ELFN2: variants seen among roughly 807,000 people sequenced by gnomAD.
The protein encoded by ELFN2 is protein phosphatase 1 regulatory subunit 29.
ELFN2 carries 17 observed loss-of-function variants against 45.5 expected under a neutral mutation model. The observed-to-expected ratio is 0.37, with a 90% CI of 0.26 to 0.56. The LOEUF is 0.56. Among genes scored for constraint, ELFN2 ranks in the 20% least tolerant of loss-of-function variants. ELFN2 has a pLI of 0.77. For missense variants in ELFN2, 922 were observed against 1,183.2 expected, an observed-to-expected ratio of 0.78 and a Z score of 3.24; for synonymous variants, 550 against 551.5, an observed-to-expected ratio of 1.00 and a Z score of 0.04.
intron 2 of ELFN2, among the ~76,000 whole-genome samples, chr22:37,416,429 G>A (rs1277922858): frequency 6.6e-6 from 1 of 152,216 alleles, no homozygotes; most frequent in Non-Finnish European, 1.5e-5. Flanking sequence ...GAACGGCACT[G>A]GGTCAACAGG....
chr22:37,422,617 G>A (rs755819911), intron 1 of ELFN2, among the ~76,000 whole-genome samples: 5 of 151,754 alleles, frequency 3.3e-5, no homozygotes, highest in South Asian at 2.1e-4. Context: ...TTTTTGAGAC[G>A]GAGCCTCACT....
At chr22:37,404,824 G>A (rs1163224682) in intron 2 of ELFN2, among the ~76,000 whole-genome samples, 2 of 152,158 alleles carry the variant, frequency 1.3e-5, no homozygotes, top group Admixed American at 6.5e-5. Flanking sequence ...CACCAGCTAT[G>A]GGATCCTTGG....
At chr22:37,365,966 T>C (rs1397275958), downstream of ELFN2, among the ~76,000 whole-genome samples, 1 of 152,236 alleles carries the variant, frequency 6.6e-6, no homozygotes, top group Non-Finnish European at 1.5e-5. Flanking sequence ...ATAAACTGAT[T>C]ATTTGCAAGT....
intron 2 of ELFN2, among the ~76,000 whole-genome samples, chr22:37,377,949 G>T (rs993151124): frequency 6.6e-6 from 1 of 152,184 alleles, no homozygotes; most frequent in Non-Finnish European, 1.5e-5. Flanking sequence ...AGGTAGCAAG[G>T]TTGTACTGGA....
At chr22:37,367,654 G>A (rs978939019), downstream of ELFN2, among the ~76,000 whole-genome samples, 51 of 152,342 alleles carry the variant, frequency 3.3e-4, no homozygotes, top group African/African-American at 1.2e-3. Context: ...GCAGAAAATC[G>A]AGTGACAGCA....
chr22:37,425,914 A>C lies in ELFN2; in HGVS notation c.-614+1384T>G, dbSNP rs549379171. On this transcript the variant is annotated intron_variant, in intron 1 of 2. Coordinates refer to ENST00000402918, the MANE Select transcript of ELFN2 (RefSeq NM_052906.5). ...ACACACACACTCCCAGTCCCATCTC[A>C]TGATGCAACTTGCATATTAAAACGC... 1.6e-4 allele frequency among the ~76,000 whole-genome samples: 22 copies of C among 138,142 alleles called. No homozygotes were observed. The South Asian group carries it at 4.4e-3, about 27-fold the overall frequency. 90.6% of individuals were successfully genotyped at this position (138,142 alleles called of 152,430 possible). A position where few individuals can be genotyped will look rare whatever the true frequency, so the allele number is the denominator to read the frequency against.
In ELFN2 at chr22:37,375,088, C is replaced by G; in HGVS notation, c.447G>C (p.Glu149Asp). 1 of 1,613,700 alleles carries G rather than the reference C, an allele frequency of 6.2e-7. No homozygotes were observed. Among genetic ancestry groups the G allele is most frequent in the Non-Finnish European group, 8.5e-7 (1 of 1,180,012 alleles). The change falls in exon 3 of 3, where the codon GAG (glutamate) becomes GAC (aspartate). Residue 149 changes from glutamate to aspartate, a missense_variant. By Grantham distance (45) the Glu-to-Asp change is conservative. This residue lies in a region of ELFN2 where 358 missense variants were observed against 540.4 expected (regional missense o/e 0.66). Coordinates refer to ENST00000402918, the MANE Select transcript of ELFN2 (RefSeq NM_052906.5). Reference sequence around the variant, plus strand: ...GGTCGATGCTGATGAGGCTCGGGCACTCGGAGAAGGCGGTGGGCGTCACCA... The same window carrying G: ...GGTCGATGCTGATGAGGCTCGGGCAGTCGGAGAAGGCGGTGGGCGTCACCA... ...IEVVTPTAFS[E>D]CPSLISIDLS...
chr22:37,340,990 T>C (rs1414878766), intron 2 of ELFN2: 1 of 151,552 alleles, frequency 6.6e-6, no homozygotes, highest in Admixed American at 6.6e-5. Flanking sequence ...AATAGACAGA[T>C]GGAGGGCAGC....
At chr22:37,400,986 G>C (rs933059864) in intron 2 of ELFN2, among the ~76,000 whole-genome samples, 1 of 152,238 alleles carries the variant, frequency 6.6e-6, no homozygotes, top group African/African-American at 2.4e-5. Context: ...GCCAAGTCCT[G>C]GGGACGGTGC....
chr22:37,395,126 TAAATA>T (rs1022022836), intron 2 of ELFN2, among the ~76,000 whole-genome samples: 3 of 149,778 alleles, frequency 2.0e-5, no homozygotes, highest in Non-Finnish European at 3.0e-5. Context: ...AATAAATAAA[TAAATA>T]AATAAATAAA....
intron 2 of ELFN2, among the ~76,000 whole-genome samples, chr22:37,391,410 C>T (rs1055594680): frequency 1.3e-5 from 2 of 152,136 alleles, no homozygotes; most frequent in Admixed American, 6.5e-5. Context: ...AAGAGAGCCA[C>T]CACGCACAGG....
intron 2 of ELFN2, among the ~76,000 whole-genome samples, chr22:37,402,388 A>C (rs1932385357): frequency 6.6e-6 from 1 of 152,222 alleles, no homozygotes; most frequent in Non-Finnish European, 1.5e-5. Flanking sequence ...AGTTTGCCAC[A>C]GGCCCACCAC....
Position 37,374,164 on chromosome 22 carries a change from C to T in ELFN2, c.1371G>A (p.Gln457=), listed in dbSNP as rs1176967928. 3.1e-6 allele frequency: 5 copies of T among 1,613,134 alleles called. No homozygotes were observed. Among genetic ancestry groups the T allele is most frequent in the Admixed American group, 1.7e-5 (1 of 60,010 alleles). ...VDAGSIVHAA[Q]KLGEPPVLPV... ...GCAGCACGGGAGGCTCGCCCAGCTT[C>T]TGGGCGGCGTGCACAATGGAGCCGG... is the stretch of plus-strand genomic sequence containing the variant. The change falls in exon 3 of 3, where the codon CAG becomes CAA. Residue 457 remains glutamine, a synonymous_variant. Coordinates refer to ENST00000402918, the MANE Select transcript of ELFN2 (RefSeq NM_052906.5).
intron 1 of ELFN2, among the ~76,000 whole-genome samples, chr22:37,423,060 G>T (rs961086560): frequency 1.3e-5 from 2 of 152,008 alleles, no homozygotes; most frequent in Non-Finnish European, 2.9e-5. Flanking sequence ...GGAGTCCAGG[G>T]GGCCACAGCT....
chr22:37,344,446 G>T (rs1395232875), intron 1 of ELFN2, among the ~76,000 whole-genome samples: 2 of 151,906 alleles, frequency 1.3e-5, no homozygotes, highest in African/African-American at 4.8e-5. Flanking sequence ...GGTGGACAGG[G>T]CACTGGGAGT....
In ELFN2 at chr22:37,373,715, T is replaced by C. The variant is rs756742507; in HGVS notation, c.1820A>G (p.Lys607Arg). The C allele has an allele frequency of 3.2e-6, 5 of 1,554,476 alleles. No individual in the cohort carries two copies. The highest frequency in any genetic ancestry group is 1.7e-4 in the Middle Eastern group (1 of 5,742). ...CTGTAGTGGGTGGTGGGAGCTCTCCTTGTAGGGAGGCGAAAGGAAGCTGGG... is the reference window on the plus strand; with the variant it reads ...CTGTAGTGGGTGGTGGGAGCTCTCCCTGTAGGGAGGCGAAAGGAAGCTGGG... Reference protein sequence around the residue: ...ERPSFLSPPYKESSHHPLQRQ... With the variant: ...ERPSFLSPPYRESSHHPLQRQ... The change falls in exon 3 of 3, where the codon AAG (lysine) becomes AGG (arginine). Residue 607 changes from lysine (K) to arginine (R), a missense_variant. Around this residue, in one of 2 missense-constraint regions of ELFN2, gnomAD observed 564 missense variants for 642.8 expected, o/e 0.88. Coordinates refer to ENST00000402918, the MANE Select transcript of ELFN2 (RefSeq NM_052906.5).
At chr22:37,422,490 A>C (rs1370573523) in intron 1 of ELFN2, among the ~76,000 whole-genome samples, 2 of 151,946 alleles carry the variant, frequency 1.3e-5, no homozygotes, top group Non-Finnish European at 2.9e-5. Flanking sequence ...GAGGATCACG[A>C]GGTCAGGAGT....
rs1404259609 is a variant in ELFN2 at position 37,374,826 on chromosome 22, C to T, written c.709G>A (p.Ala237Thr). 1.9e-6 allele frequency: 3 copies of T among 1,607,158 alleles called. No individual in the cohort carries two copies. Among genetic ancestry groups the T allele is most frequent in the Non-Finnish European group, 2.5e-6 (3 of 1,179,780 alleles). Reference protein sequence around the residue: ...LVPRPYHSLNAITVLQAKCRN... With the variant: ...LVPRPYHSLNTITVLQAKCRN... ...CACTTGGCCTGGAGTACGGTGATGG[C>T]GTTGAGGCTGTGGTAGGGCCGGGGC... Residue 237 changes from alanine (A) to threonine (T), a missense_variant, in exon 3 of 3, where the codon GCC becomes ACC. Physicochemically the swap from Ala to Thr is moderately conservative, Grantham distance 58 (BLOSUM62 0). Coordinates refer to ENST00000402918, the MANE Select transcript of ELFN2 (RefSeq NM_052906.5).
chr22:37,342,046 G>T (rs1435309442), intron 2 of ELFN2, among the ~76,000 whole-genome samples: 1 of 151,964 alleles, frequency 6.6e-6, no homozygotes, highest in Non-Finnish European at 1.5e-5. Flanking sequence ...TGCCATCTGT[G>T]TTAGTCACCC....
Sources: gnomAD v4.1 joint callset for allele counts (sites outside exome capture counted in the v4.1 genomes callset) on GRCh38, gnomAD v4.1.1 for gene constraint, gnomAD v4.1.1 regional missense constraint, MANE v1.5 for transcripts, NCBI Gene and HGNC (gene_info 2026-07-23, HGNC 2026-07-21) for gene names.